Variants in CCDC3 observed in about 807,000 individuals in gnomAD.
CCDC3 encodes the protein coiled-coil domain-containing protein 3.
CCDC3 carries 24 observed loss-of-function variants against 21.4 expected under a neutral mutation model. The observed-to-expected ratio is 1.12, with a 90% confidence interval of 0.81 to 1.58. CCDC3 has a LOEUF of 1.58. Ranked by LOEUF, CCDC3 falls within the 40% of genes most tolerant of loss-of-function variation. The probability of loss-of-function intolerance (pLI) is 0.00; values close to 1 mark genes in which losing one functional copy is unlikely to be tolerated. For missense variants in CCDC3, 425 were observed against 360.9 expected, an observed-to-expected ratio of 1.18 and a Z score of -1.44; for synonymous variants, 186 against 166.0, an observed-to-expected ratio of 1.12 and a Z score of -0.93.
chr10:13,012,033 A>T (rs1284674300), intron 5 of CCDC3, among the ~76,000 whole-genome samples: 1 of 152,232 alleles, frequency 6.6e-6, no homozygotes, highest in Non-Finnish European at 1.5e-5. Context: ...CTTACGCCAT[A>T]CACAAAAATC....
At chr10:13,089,072 G>T (rs960795018) in intron 3 of CCDC3, among the ~76,000 whole-genome samples, 6 of 151,794 alleles carry the variant, frequency 4.0e-5, no homozygotes, top group African/African-American at 1.5e-4. Flanking sequence ...TGTAGAACAG[G>T]TCTACGACAA....
At chr10:13,046,045 C>T (rs139800012) in intron 5 of CCDC3, among the ~76,000 whole-genome samples, 84 of 151,888 alleles carry the variant, frequency 5.5e-4, no homozygotes, top group African/African-American at 1.9e-3. Context: ...AAGCTGAGAT[C>T]GTGCCACTGG....
chr10:12,927,875 T>G (rs771712686), intron 2 of CCDC3, among the ~76,000 whole-genome samples: 1 of 152,224 alleles, frequency 6.6e-6, no homozygotes, highest in African/African-American at 2.4e-5. Context: ...ACTAACAAGA[T>G]GTATAAATTC....
At chr10:13,002,880 C>T (rs980834801), upstream of CCDC3, among the ~76,000 whole-genome samples, 7 of 152,176 alleles carry the variant, frequency 4.6e-5, no homozygotes, top group African/African-American at 1.7e-4. Context: ...CTCACTGTGT[C>T]CTCACGTGGC....
rs1834785995 is a variant in CCDC3, at chr10:12,939,445, C to G, written c.550-40766G>C. The stretch of plus-strand genomic sequence containing the variant: ...TGAGACCATCCTGGGCAACATGGTA[C>G]AAACCCATCTCTACTGAAAATACAA... On this transcript the variant is annotated intron_variant, in intron 2 of 2. Coordinates refer to ENST00000378825, the MANE Select transcript of CCDC3 (RefSeq NM_031455.4). Among the ~76,000 whole-genome samples the G allele has an allele frequency of 2.0e-5, 3 of 152,290 alleles. No individual in the cohort carries two copies. In the South Asian group the frequency reaches 6.2e-4, roughly 32 times the overall value.
At chr10:12,905,003 T>C (rs1464432775) in intron 2 of CCDC3, among the ~76,000 whole-genome samples, 5 of 151,928 alleles carry the variant, frequency 3.3e-5, no homozygotes, top group African/African-American at 1.2e-4. Flanking sequence ...GAGAGGATTC[T>C]TGCCTTTCAC....
chr10:13,087,353 G>A (rs1255822347), intron 3 of CCDC3, among the ~76,000 whole-genome samples: 1 of 150,596 alleles, frequency 6.6e-6, no homozygotes, highest in Admixed American at 6.6e-5. Flanking sequence ...GCGGTGAGCT[G>A]AGATTGCGCC....
At chr10:13,088,775 C>G (rs1303643925) in intron 3 of CCDC3, among the ~76,000 whole-genome samples, 2 of 152,200 alleles carry the variant, frequency 1.3e-5, no homozygotes, top group African/African-American at 4.8e-5. Context: ...GTAATCCCAG[C>G]ACTTCGGGAG....
At chr10:12,935,045 T>G (rs1292201717) in intron 2 of CCDC3, among the ~76,000 whole-genome samples, 1 of 151,982 alleles carries the variant, frequency 6.6e-6, no homozygotes, top group Non-Finnish European at 1.5e-5. Context: ...ACTACGGATG[T>G]GCACTACCAA....
At chr10:13,032,929 T>C (rs574830952) in intron 5 of CCDC3, among the ~76,000 whole-genome samples, 2 of 152,270 alleles carry the variant, frequency 1.3e-5, no homozygotes, top group Admixed American at 6.5e-5. Context: ...AGGTAATTTA[T>C]AGATTCAATG....
At chr10:12,931,865 G>T (rs901224278) in intron 2 of CCDC3, among the ~76,000 whole-genome samples, 1 of 152,200 alleles carries the variant, frequency 6.6e-6, no homozygotes, top group Admixed American at 6.5e-5. Context: ...ACTACCCAAA[G>T]GACCTGTAAG....
chr10:12,967,814 A>G (rs548789628), intron 2 of CCDC3, among the ~76,000 whole-genome samples: 1 of 152,190 alleles, frequency 6.6e-6, no homozygotes, highest in Non-Finnish European at 1.5e-5. Context: ...AGAAAGTCAA[A>G]GTTCTCTAAT....
At chr10:13,077,190 T>C (rs1214914955) in intron 3 of CCDC3, among the ~76,000 whole-genome samples, 2 of 152,052 alleles carry the variant, frequency 1.3e-5, no homozygotes, top group Non-Finnish European at 2.9e-5. Flanking sequence ...AGTGCAAAAA[T>C]CACAAGCATT....
At chr10:12,980,749 G>A (rs1835484613) in intron 2 of CCDC3, among the ~76,000 whole-genome samples, 1 of 151,746 alleles carries the variant, frequency 6.6e-6, no homozygotes, top group African/African-American at 2.4e-5. Flanking sequence ...TCTTTGCCTA[G>A]ACCCTGGAAA....
rs558646671 is a variant in CCDC3 at position 13,044,298 on chromosome 10, G to C, written c.-2+5376C>G. Among the ~76,000 whole-genome samples, 79 of 152,226 alleles carry C rather than the reference G, an allele frequency of 5.2e-4. No individual in the cohort carries two copies. In the South Asian group the frequency reaches 0.016, roughly 32 times the overall value. On this transcript the variant is annotated intron_variant, in intron 5 of 6. Coordinates refer to the CCDC3 transcript ENST00000378839. The stretch of plus-strand genomic sequence containing the variant: ...TAGTTTGTGAATATCCTCCCATTCC[G>C]TAGGTTGTCTGTTTATTATGTTAAT...
intron 3 of CCDC3, among the ~76,000 whole-genome samples, chr10:13,088,216 A>G (rs1170511113): frequency 1.3e-5 from 2 of 152,204 alleles, no homozygotes; most frequent in South Asian, 2.1e-4. Context: ...CCATTGAGTC[A>G]TTGTAAAAGT....
chr10:12,910,683 C>A (rs1834259160), intron 2 of CCDC3, among the ~76,000 whole-genome samples: 1 of 148,480 alleles, frequency 6.7e-6, no homozygotes, highest in South Asian at 2.1e-4. Context: ...GATCTTGGCT[C>A]ACTGCAACCT....
intron 2 of CCDC3, among the ~76,000 whole-genome samples, chr10:12,920,110 G>A (rs899835172): frequency 1.3e-5 from 2 of 152,134 alleles, no homozygotes; most frequent in Non-Finnish European, 2.9e-5. Flanking sequence ...AATTTATAAA[G>A]AAAAAGAGGT....
intron 4 of CCDC3, chr10:13,058,648 T>A (rs1588409823): frequency 1.8e-6 from 1 of 549,294 alleles, no homozygotes; most frequent in East Asian, 2.9e-5. Context: ...CAAGTTGGCC[T>A]TATTTTTAAC....
Sources: gnomAD v4.1 joint callset for allele counts (sites outside exome capture counted in the v4.1 genomes callset) on GRCh38, gnomAD v4.1.1 for gene constraint, MANE v1.5 for transcripts, NCBI Gene and HGNC (gene_info 2026-07-23, HGNC 2026-07-21) for gene names.